The following EML6 variants were observed in gnomAD, a reference collection of about 807,000 sequenced individuals.
The protein encoded by EML6 is EMAP like 6.
EML6 carries 154 observed loss-of-function variants against 240.1 expected under a neutral mutation model. The observed-to-expected ratio is 0.64, with a 90% CI of 0.56 to 0.73. The LOEUF (loss-of-function observed/expected upper bound fraction) is 0.73, where lower values mean the gene tolerates loss of function less well. EML6 is among the 30% of genes least tolerant of loss of function. The probability of loss-of-function intolerance (pLI) is 0.00; values close to 1 mark genes in which losing one functional copy is unlikely to be tolerated. For synonymous variants in EML6, 1,148 were observed against 899.0 expected (o/e 1.28, Z -4.95); for missense variants, 2,964 against 2,474.6 (o/e 1.20, Z -4.20).
At chr2:54,896,267 A>G (rs1351651588) in intron 21 of EML6, among the ~76,000 whole-genome samples, 1 of 152,204 alleles carries the variant, frequency 6.6e-6, no homozygotes. Context: ...CTGTCCGTCC[A>G]TAAAATGAAC....
chr2:54,878,896 A>C (rs558622976), intron 16 of EML6, among the ~76,000 whole-genome samples: 1 of 152,334 alleles, frequency 6.6e-6, no homozygotes, highest in Non-Finnish European at 1.5e-5. Flanking sequence ...ATATATATCA[A>C]ATGTTAGCCT....
intron 16 of EML6, among the ~76,000 whole-genome samples, chr2:54,871,895 C>T (rs1671278559): frequency 6.6e-6 from 1 of 152,358 alleles, no homozygotes; most frequent in Non-Finnish European, 1.5e-5. Context: ...ACACTGTGTT[C>T]TGTATTTGCT....
chr2:54,799,594 T>C (rs1180888704), intron 2 of EML6, among the ~76,000 whole-genome samples: 1 of 152,082 alleles, frequency 6.6e-6, no homozygotes, highest in East Asian at 1.9e-4. Context: ...TCACCCGCCT[T>C]GGCCTCCCAA....
intron 10 of EML6, among the ~76,000 whole-genome samples, chr2:54,852,993 C>T (rs1053615425): frequency 1.1e-4 from 17 of 152,168 alleles, no homozygotes; most frequent in African/African-American, 3.4e-4. Context: ...ATTATTTTCC[C>T]GCGTGAATTA....
At chr2:54,812,901 T>C (rs3796009) in intron 2 of EML6, among the ~76,000 whole-genome samples, 15,452 of 152,120 alleles carry the variant, frequency 0.1, 1,052 homozygotes, top group East Asian at 0.23. Flanking sequence ...CAAGTAATAT[T>C]TTGAATATCA....
chr2:54,868,556 T>C (rs1042656027), intron 14 of EML6: 2 of 152,224 alleles, frequency 1.3e-5, no homozygotes, highest in African/African-American at 2.4e-5. Flanking sequence ...TTCTTCAGAC[T>C]CCTGTGATAG....
intron 19 of EML6, among the ~76,000 whole-genome samples, chr2:54,893,852 T>G (rs1672612390): frequency 6.6e-6 from 1 of 152,310 alleles, no homozygotes; most frequent in African/African-American, 2.4e-5. Context: ...TTGTTTTGTT[T>G]TGTTTTTTTA....
At chr2:54,914,328 C>T (rs1221839471) in intron 25 of EML6, among the ~76,000 whole-genome samples, 1 of 152,174 alleles carries the variant, frequency 6.6e-6, no homozygotes, top group African/African-American at 2.4e-5. Flanking sequence ...ACCATGAAGC[C>T]TCTCAATTTC....
intron 7 of EML6, among the ~76,000 whole-genome samples, chr2:54,842,627 G>A (rs942318272): frequency 6.6e-6 from 1 of 152,168 alleles, no homozygotes; most frequent in African/African-American, 2.4e-5. Flanking sequence ...TCACATCCTG[G>A]CCTTGTTTTA....
chr2:54,896,461 C>A (rs546434684), intron 21 of EML6, among the ~76,000 whole-genome samples: 1 of 152,152 alleles, frequency 6.6e-6, no homozygotes, highest in African/African-American at 2.4e-5. Flanking sequence ...TTTTAGGAGC[C>A]AAGAAATGAT....
At chr2:54,910,876 G>C (rs1234320461) in intron 24 of EML6, 78 bp from the exon 25 acceptor site, 9 of 689,376 alleles carry the variant, frequency 1.3e-5, no homozygotes, top group Non-Finnish European at 2.3e-5. Flanking sequence ...AATCAAAATA[G>C]CACCCATGCT....
At chr2:54,771,688 G>T (rs1470614150) in intron 2 of EML6, among the ~76,000 whole-genome samples, 1 of 152,212 alleles carries the variant, frequency 6.6e-6, no homozygotes, top group Non-Finnish European at 1.5e-5. Flanking sequence ...ATACACAGTT[G>T]GGGTTGCAGC....
At chr2:54,851,264 T>A (rs571114109) in intron 10 of EML6, among the ~76,000 whole-genome samples, 1 of 151,598 alleles carries the variant, frequency 6.6e-6, no homozygotes, top group East Asian at 1.9e-4. Context: ...CAAAAAAAAA[T>A]CAGCCAGGCG....
intron 26 of EML6, among the ~76,000 whole-genome samples, chr2:54,924,386 G>A (rs1391760209): frequency 1.4e-5 from 2 of 146,880 alleles, no homozygotes; most frequent in Non-Finnish European, 1.5e-5. Context: ...ACTATTTGGG[G>A]AAGTATCTGT....
intron 2 of EML6, among the ~76,000 whole-genome samples, chr2:54,771,642 A>C (rs766688984): frequency 2.6e-5 from 4 of 152,256 alleles, no homozygotes; most frequent in Non-Finnish European, 4.4e-5. Context: ...ATGTGTGTGA[A>C]TGTATGTGTA....
At chr2:54,813,052 C>T (rs994103897) in intron 2 of EML6, among the ~76,000 whole-genome samples, 180 bp from the exon 3 acceptor site, 14 of 152,148 alleles carry the variant, frequency 9.2e-5, no homozygotes, top group Admixed American at 2.0e-4. Flanking sequence ...TGCTAAGCCT[C>T]TCTGCTAAAG....
At chr2:54,857,016 GGAAAA>G (rs372832078) in intron 11 of EML6, among the ~76,000 whole-genome samples, 330 of 152,256 alleles carry the variant, frequency 2.2e-3, no homozygotes, top group African/African-American at 7.3e-3. Flanking sequence ...TGAGAATAGA[GGAAAA>G]GAAAGTAATC....
intron 28 of EML6, among the ~76,000 whole-genome samples, chr2:54,935,599 C>T (rs1272781570): frequency 6.6e-6 from 1 of 152,204 alleles, no homozygotes; most frequent in African/African-American, 2.4e-5. Context: ...TTTTATACCA[C>T]CATCTGAGCG....
intron 7 of EML6, among the ~76,000 whole-genome samples, chr2:54,834,157 C>T (rs6747033): frequency 6.6e-6 from 1 of 152,064 alleles, no homozygotes; most frequent in African/African-American, 2.4e-5. Context: ...GGTGGCGGGG[C>T]ATGGGGAGAA....
Sources: gnomAD v4.1 joint callset for allele counts (sites outside exome capture counted in the v4.1 genomes callset) on GRCh38, gnomAD v4.1.1 for gene constraint, MANE v1.5 for transcripts, NCBI Gene and HGNC (gene_info 2026-07-23, HGNC 2026-07-21) for gene names.